VPS45: variants seen among roughly 807,000 people sequenced by gnomAD.
VPS45 encodes vacuolar protein sorting-associated protein 45.
VPS45 carries 35 observed loss-of-function variants against 75.9 expected under a neutral mutation model. That is an observed-to-expected ratio of 0.46 (90% CI 0.35 to 0.61). The LOEUF (loss-of-function observed/expected upper bound fraction) is 0.61. VPS45 is among the 20% of genes least tolerant of loss of function. The probability of loss-of-function intolerance (pLI) is 0.00; values close to 1 mark genes in which losing one functional copy is unlikely to be tolerated. For missense variants in VPS45, 559 were observed against 685.9 expected (o/e 0.81, Z 2.07); for synonymous variants, 220 against 238.2 (o/e 0.92, Z 0.70).
chr1:150,131,532 A>C (rs1341141610), intron 14 of VPS45, among the ~76,000 whole-genome samples: 1 of 151,824 alleles, frequency 6.6e-6, no homozygotes, highest in Non-Finnish European at 1.5e-5. Flanking sequence ...AAATAAGGTA[A>C]AATAAAATTT....
At chr1:150,143,598 A>AG (rs1659521487) in intron 14 of VPS45, among the ~76,000 whole-genome samples, 1 of 151,390 alleles carries the variant, frequency 6.6e-6, no homozygotes, top group African/African-American at 2.4e-5. Flanking sequence ...AAAAAAAAAA[A>AG]AAGAAGATTT....
At chr1:150,076,393 G>C in intron 4 of VPS45, 81 bp downstream of exon 4, 2 of 1,174,158 alleles carry the variant, frequency 1.7e-6, no homozygotes, top group South Asian at 3.2e-5. Context: ...AATAAGGAAA[G>C]GTCTGTCTCA....
intron 14 of VPS45, among the ~76,000 whole-genome samples, chr1:150,127,113 A>G (rs1658559711): frequency 6.6e-6 from 1 of 152,228 alleles, no homozygotes; most frequent in African/African-American, 2.4e-5. Context: ...AAGACAGTAC[A>G]ACAAAATGTA....
intron 12 of VPS45, 61 bp from the exon 13 acceptor site, chr1:150,093,466 A>G: frequency 3.2e-6 from 5 of 1,581,362 alleles, no homozygotes; most frequent in South Asian, 1.2e-5. Flanking sequence ...TATGAATATT[A>G]TTAATTCTTG....
chr1:150,104,303 T>C (rs918774950), intron 13 of VPS45, among the ~76,000 whole-genome samples: 3 of 152,212 alleles, frequency 2.0e-5, no homozygotes, highest in East Asian at 1.9e-4. Flanking sequence ...CTTCAGATAA[T>C]GGCCTCTTGC....
rs1278390607 is a variant in VPS45, at chr1:150,068,703, A to C, written c.167A>C (p.Asp56Ala). ...GAAGTGTACCTCTTTGAACGCATTG[A>C]TTCTCAAAATCGAGAGATCATGAAA... ...QKEVYLFERI[D>A]SQNREIMKHL... Residue 56 changes from aspartate (D) to alanine (A), a missense_variant, in exon 2 of 15, where the codon GAT (aspartate) becomes GCT (alanine). By Grantham distance (126) the Asp-to-Ala change is moderately radical. Transcript: ENST00000644510. 4 of 1,613,310 alleles carry C rather than the reference A, an allele frequency of 2.5e-6. No individual in the cohort carries two copies. The African/African-American group carries it at 5.3e-5, about 22-fold the overall frequency.
Position 150,102,334 on chromosome 1 carries a change from G to A in VPS45, c.1494-8162G>A, listed in dbSNP as rs1553804661. ...GGAGGCCGAAGTGGGTGGATCATCT[G>A]AGGTCAGGAGTTCAAGACCAGCCTG... On this transcript the variant is annotated intron_variant, in intron 13 of 14. Coordinates refer to ENST00000644510, the MANE Select transcript of VPS45 (RefSeq NM_007259.5). Among the ~76,000 whole-genome samples, 4 of 151,562 alleles carry A rather than the reference G, an allele frequency of 2.6e-5. No individual in the cohort carries two copies. The South Asian group carries it at 8.3e-4, about 31-fold the overall frequency.
intron 14 of VPS45, among the ~76,000 whole-genome samples, chr1:150,114,262 C>T (rs1390887675): frequency 6.6e-6 from 1 of 151,872 alleles, no homozygotes; most frequent in Non-Finnish European, 1.5e-5. Context: ...CACTTGAGGT[C>T]AGGAATTCAA....
intron 2 of VPS45, among the ~76,000 whole-genome samples, chr1:150,070,025 C>T (rs1209361470): frequency 5.3e-5 from 8 of 152,222 alleles, no homozygotes; most frequent in South Asian, 4.2e-4. Flanking sequence ...TATATCAATC[C>T]GCTATATTCC....
At chr1:150,111,739 A>T (rs1657661615) in intron 14 of VPS45, among the ~76,000 whole-genome samples, 2 of 152,180 alleles carry the variant, frequency 1.3e-5, no homozygotes, top group South Asian at 4.1e-4. Flanking sequence ...TGGAAGTAAT[A>T]TATGCATATT....
chr1:150,070,649 C>T (rs1312766816), intron 2 of VPS45, among the ~76,000 whole-genome samples: 8 of 74,628 alleles, frequency 1.1e-4, no homozygotes, highest in African/African-American at 3.7e-4. Flanking sequence ...AAAAAAAAAA[C>T]AACAAAAAAA....
rs933983809 is a variant in VPS45 at position 150,077,671 on chromosome 1, A to G, written c.579A>G (p.Gln193=). 1.2e-6 allele frequency: 2 copies of G among 1,610,172 alleles called. No individual in the cohort carries two copies. Among genetic ancestry groups the G allele is most frequent in the Admixed American group, 3.3e-5 (2 of 59,976 alleles). The change falls in exon 7 of 15, where the codon CAA becomes CAG. Residue 193 remains glutamine, a splice_region_variant and synonymous_variant. Transcript: ENST00000644510. The stretch of plus-strand genomic sequence containing the variant: ...CCATCTTTCTCTCTCACCCACAGCA[A>G]GTGATAACTAAAGAATATGAACTGT... The part of the protein sequence containing the change: ...AAKRLAECVK[Q]VITKEYELFE...
At chr1:150,106,456 A>C (rs1657329041) in intron 13 of VPS45, among the ~76,000 whole-genome samples, 1 of 152,212 alleles carries the variant, frequency 6.6e-6, no homozygotes, top group Non-Finnish European at 1.5e-5. Flanking sequence ...GTGGCCAAAA[A>C]ACGCTTGAAA....
intron 10 of VPS45, among the ~76,000 whole-genome samples, 177 bp from the exon 11 acceptor site, chr1:150,091,760 C>T (rs782064426): frequency 5.3e-5 from 8 of 152,138 alleles, no homozygotes; most frequent in Non-Finnish European, 1.0e-4. Flanking sequence ...TTATTTAATT[C>T]TTACCTTGGA....
At position 150,120,895 on chromosome 1, in the gene VPS45, T is replaced by C. The variant is rs587678219; in HGVS notation, c.1625+10268T>C. On this transcript the variant is annotated intron_variant, in intron 14 of 14. Coordinates refer to ENST00000644510, the MANE Select transcript of VPS45 (RefSeq NM_007259.5). ...TTTTTTTTTTTTTTTTGAGTCAGAG[T>C]CTTGCTCTGTGGCCCAGGCTGGAGT... Among the ~76,000 whole-genome samples, 26 of 140,698 alleles carry C rather than the reference T, an allele frequency of 1.8e-4. No individual in the cohort carries two copies. In the East Asian group the frequency reaches 4.1e-3, roughly 22 times the overall value. The allele number at this position is 140,698 out of a possible 152,430, so 92.3% of individuals were successfully genotyped here.
At chr1:150,074,562 T>C (rs1333661836) in intron 3 of VPS45, among the ~76,000 whole-genome samples, 1 of 152,158 alleles carries the variant, frequency 6.6e-6, no homozygotes, top group South Asian at 2.1e-4. Flanking sequence ...CATTAAGTCT[T>C]CATTCTCTGG....
chr1:150,081,696 T>A (rs587764360), intron 8 of VPS45, among the ~76,000 whole-genome samples, 188 bp from the exon 9 acceptor site: 2 of 152,178 alleles, frequency 1.3e-5, no homozygotes, highest in Non-Finnish European at 2.9e-5. Context: ...TTCTCTCCCC[T>A]CCAGTAGCTG....
chr1:150,067,639 G>T (rs1654791400), upstream of VPS45: 1 of 514,298 alleles, frequency 1.9e-6, no homozygotes, highest in Non-Finnish European at 3.4e-6. Flanking sequence ...GCGTGGCAGC[G>T]GCCCAGGCCG....
intron 7 of VPS45, among the ~76,000 whole-genome samples, chr1:150,079,112 C>A (rs1252305208): frequency 8.5e-4 from 115 of 135,260 alleles, no homozygotes; most frequent in Admixed American, 8.2e-4. Context: ...ACTCTTGTCT[C>A]AAAAAAAAAA....
Sources: allele counts gnomAD v4.1 joint callset (sites outside exome capture counted in the v4.1 genomes callset), GRCh38; gene constraint gnomAD v4.1.1; transcripts MANE v1.5; gene names NCBI Gene and HGNC (gene_info 2026-07-23, HGNC 2026-07-21).